HECTD4: variants seen among roughly 807,000 people sequenced by gnomAD.
HECTD4 encodes probable E3 ubiquitin-protein ligase HECTD4.
HECTD4 carries 114 observed loss-of-function variants against 471.5 expected under a neutral mutation model. The observed-to-expected ratio is 0.24, with a 90% confidence interval of 0.21 to 0.28. The LOEUF is 0.28. HECTD4 is among the 10% of genes least tolerant of loss of function. The pLI, the probability that HECTD4 is intolerant of heterozygous loss-of-function variation, is 1.00. For missense variants in HECTD4, 3,866 were observed against 5,651.5 expected, an observed-to-expected ratio of 0.68 and a Z score of 10.13; for synonymous variants, 2,012 against 2,256.0, an observed-to-expected ratio of 0.89 and a Z score of 3.07.
chr12:112,213,637 G>A lies in HECTD4; in HGVS notation c.7466-987C>T, dbSNP rs1476335727. Among the ~76,000 whole-genome samples the A allele has an allele frequency of 6.6e-6, 1 of 151,188 alleles. No individual in the cohort carries two copies. Among genetic ancestry groups the A allele is most frequent in the Non-Finnish European group, 1.5e-5 (1 of 67,892 alleles). On this transcript the variant is annotated intron_variant, in intron 48 of 75. Transcript: ENST00000682272. This position sits in a 1 kb window ranked among gnomAD's most constrained non-coding sequence, Gnocchi z 4.0. ...GGAGGCGGAGGTTGCAGTGAGCCAA[G>A]ATTGTGCCACTGCACTTCAGCCTGG...
intron 1 of HECTD4, chr12:112,322,784 A>T (rs1369906211): frequency 6.5e-6 from 1 of 153,252 alleles, no homozygotes; most frequent in Non-Finnish European, 1.5e-5. Context: ...GAGCCTCCAA[A>T]AATTGGACCC....
In HECTD4 at chr12:112,235,183, C is replaced by G. The variant is rs554608101; in HGVS notation, c.5809G>C (p.Asp1937His). ...TCACTCTCTTCTCCAGGATCTTTAT[C>G]TCCTTTCAAGGAATTCTTGGGACTG... ...KTSPKNSLKG[D>H]KDPGEESEAV... Residue 1937 changes from aspartate (D) to histidine (H), a missense_variant, in exon 37 of 76, where the codon GAT (aspartate) becomes CAT (histidine). Asp to His is a moderately conservative substitution (Grantham distance 81, BLOSUM62 -1). Coordinates refer to ENST00000682272, the MANE Select transcript of HECTD4 (RefSeq NM_001388303.1). The surrounding 1 kb of genome is among the most constrained non-coding windows in gnomAD (Gnocchi z 5.0). 1.2e-6 allele frequency: 2 copies of G among 1,613,872 alleles called. No individual in the cohort carries two copies. Among genetic ancestry groups the G allele is most frequent in the Non-Finnish European group, 1.7e-6 (2 of 1,179,894 alleles).
intron 29 of HECTD4, among the ~76,000 whole-genome samples, chr12:112,244,441 T>C (rs2033711630): frequency 5.3e-5 from 8 of 152,228 alleles, no homozygotes; most frequent in Admixed American, 4.6e-4. Flanking sequence ...TGATCTCAGC[T>C]TTCTGCAACC....
At chr12:112,341,307 T>G (rs1170654402) in intron 1 of HECTD4, among the ~76,000 whole-genome samples, 1 of 152,036 alleles carries the variant, frequency 6.6e-6, no homozygotes, top group Non-Finnish European at 1.5e-5. Context: ...CACTCCCAGG[T>G]CAGCACTTCT....
intron 55 of HECTD4, among the ~76,000 whole-genome samples, chr12:112,198,231 G>A (rs1050545493): frequency 1.3e-5 from 2 of 152,198 alleles, no homozygotes; most frequent in African/African-American, 2.4e-5. Context: ...GACAAAGAGC[G>A]CATGGACAGT....
chr12:112,175,970 T>G, intron 65 of HECTD4, 111 bp from the exon 66 acceptor site: 2 of 1,330,206 alleles, frequency 1.5e-6, no homozygotes, highest in Non-Finnish European at 2.1e-6. Flanking sequence ...ACCCATCTAA[T>G]TCCCCTCTCC....
At chr12:112,183,910 C>A (rs897922420) in intron 61 of HECTD4, among the ~76,000 whole-genome samples, 1 of 152,188 alleles carries the variant, frequency 6.6e-6, no homozygotes, top group Non-Finnish European at 1.5e-5. Context: ...ATTCAAGATG[C>A]GATGGGGCTG....
chr12:112,324,132 T>A (rs990475820), intron 1 of HECTD4, among the ~76,000 whole-genome samples: 3 of 143,878 alleles, frequency 2.1e-5, no homozygotes, highest in African/African-American at 7.9e-5. Flanking sequence ...TTTTTTATTT[T>A]TTTTTTGACG....
Position 112,185,103 on chromosome 12 carries a change from AGAT to A in HECTD4, c.9860_9862del (p.Asn3287_Leu3288delinsIle). On this transcript the variant is annotated inframe_deletion, in exon 61 of 76. Coordinates refer to ENST00000682272, the MANE Select transcript of HECTD4 (RefSeq NM_001388303.1). ...CGAGGAGGAGGAGGACGAGTCACTG[AGAT>A]TTGGGGCGGTCGCTGAGGTCACCCC... 6.4e-7 allele frequency: 1 copy of A among 1,568,526 alleles called. No individual in the cohort carries two copies. Among genetic ancestry groups the A allele is most frequent in the Non-Finnish European group, 8.6e-7 (1 of 1,156,212 alleles).
chr12:112,165,159 T>C (rs977310048), intron 72 of HECTD4, among the ~76,000 whole-genome samples: 1 of 151,316 alleles, frequency 6.6e-6, no homozygotes, highest in African/African-American at 2.4e-5. Flanking sequence ...GACCTCGTGA[T>C]CTACCCGCCT....
At chr12:112,247,398 A>G in intron 28 of HECTD4, 64 bp downstream of exon 28, 2 of 746,968 alleles carry the variant, frequency 2.7e-6, no homozygotes, top group Non-Finnish European at 4.3e-6. Flanking sequence ...AAGAGACTAG[A>G]CCTTTACAGT....
chr12:112,345,071 T>C (rs553871899), intron 1 of HECTD4, among the ~76,000 whole-genome samples: 3 of 152,072 alleles, frequency 2.0e-5, no homozygotes, highest in Non-Finnish European at 1.5e-5. Context: ...CTGACTAGTA[T>C]AGTAAGACTC....
chr12:112,174,529 C>T (rs2031363752), intron 66 of HECTD4, among the ~76,000 whole-genome samples: 1 of 152,150 alleles, frequency 6.6e-6, no homozygotes, highest in South Asian at 2.1e-4. Context: ...GCTGGGATTA[C>T]AGGCGTGAGC....
intron 55 of HECTD4, among the ~76,000 whole-genome samples, chr12:112,199,482 G>A (rs1252561139): frequency 6.6e-6 from 1 of 152,184 alleles, no homozygotes; most frequent in Non-Finnish European, 1.5e-5. Flanking sequence ...ATTCAAAATT[G>A]TCAACATCAT....
At chr12:112,330,233 C>T (rs1945273893) in intron 1 of HECTD4, among the ~76,000 whole-genome samples, 1 of 150,220 alleles carries the variant, frequency 6.7e-6, no homozygotes, top group African/African-American at 2.5e-5. Flanking sequence ...GCTGAGATCG[C>T]ACCACTGCAC....
At chr12:112,352,661 C>T (rs1247024991) in intron 1 of HECTD4, among the ~76,000 whole-genome samples, 3 of 151,830 alleles carry the variant, frequency 2.0e-5, no homozygotes, top group East Asian at 3.9e-4. Context: ...GGCTGAAGTA[C>T]GGTGGTGCCA....
rs537191325 is a variant in HECTD4, at chr12:112,173,595, C to T, written c.11595-734G>A. ...ATTTTTAGTAGAGACGAGGTTTCAC[C>T]GTGTTAGCCAGGATGGTCTCAATCT... On this transcript the variant is annotated intron_variant, in intron 66 of 75. Coordinates refer to ENST00000682272, the MANE Select transcript of HECTD4 (RefSeq NM_001388303.1). The surrounding 1 kb of genome is among the most constrained non-coding windows in gnomAD (Gnocchi z 4.3). Among the ~76,000 whole-genome samples, 13 of 151,972 alleles carry T rather than the reference C, an allele frequency of 8.6e-5. No individual in the cohort carries two copies. The highest frequency in any genetic ancestry group is 3.9e-4 in the East Asian group (2 of 5,142).
chr12:112,253,958 T>G, intron 22 of HECTD4, 85 bp downstream of exon 22: 1 of 1,463,860 alleles, frequency 6.8e-7, no homozygotes, highest in South Asian at 1.3e-5. Flanking sequence ...CAAATGTTTT[T>G]CTGGGATTAC....
intron 7 of HECTD4, chr12:112,302,178 C>T (rs567361103): frequency 3.0e-5 from 34 of 1,138,182 alleles, no homozygotes; most frequent in East Asian, 1.7e-4. Flanking sequence ...ACAACCAGCT[C>T]GATGGAATCC....
Sources: gnomAD v4.1 joint callset for allele counts (sites outside exome capture counted in the v4.1 genomes callset) on GRCh38, gnomAD v4.1.1 for gene constraint, Gnocchi (gnomAD v3.1) non-coding constraint, MANE v1.5 for transcripts, NCBI Gene and HGNC (gene_info 2026-07-23, HGNC 2026-07-21) for gene names.